SERPINE2: variants seen among roughly 807,000 people sequenced by gnomAD.
The protein encoded by SERPINE2 is serpin family E member 2, also known as glia-derived nexin.
Under a neutral mutation model 36.3 loss-of-function variants are expected in SERPINE2, and 14 were observed. That is an observed-to-expected ratio of 0.39 (90% CI 0.25 to 0.60). The LOEUF (loss-of-function observed/expected upper bound fraction) is 0.60. SERPINE2 is among the 20% of genes least tolerant of loss of function. SERPINE2 has a pLI of 0.57. For missense variants in SERPINE2, 418 were observed against 499.6 expected (o/e 0.84, Z 1.56); for synonymous variants, 192 against 191.8 (o/e 1.00, Z -0.01).
At chr2:223,994,854 GA>G (rs1461791614) in intron 3 of SERPINE2, among the ~76,000 whole-genome samples, 2 of 152,176 alleles carry the variant, frequency 1.3e-5, no homozygotes, top group Non-Finnish European at 2.9e-5. Flanking sequence ...AGAATTATTT[GA>G]ATAGGTATCA....
At chr2:224,002,936 A>G (rs1474528157) in intron 1 of SERPINE2, among the ~76,000 whole-genome samples, 1 of 152,160 alleles carries the variant, frequency 6.6e-6, no homozygotes, top group Non-Finnish European at 1.5e-5. Context: ...TGAGCTTACA[A>G]TCTAGAAGGG....
chr2:223,988,100 T>C (rs544365374), intron 4 of SERPINE2, among the ~76,000 whole-genome samples: 2 of 152,192 alleles, frequency 1.3e-5, no homozygotes, highest in African/African-American at 4.8e-5. Flanking sequence ...GTGGCGTAAG[T>C]AACTGGGTGA....
In SERPINE2 at chr2:224,001,694, C is replaced by T. The variant is rs754271102; in HGVS notation, c.207G>A (p.Ala69=). Residue 69 remains alanine (A), a synonymous_variant, in exon 2 of 9, where the codon GCG becomes GCA. Transcript: ENST00000409304. ...ASVLGMLQLG[A]DGRTKKQLAM... is the part of the protein sequence containing the mutation. ...CGAGCTGCTTCTTGGTCCTGCCGTC[C>T]GCCCCCAGCTGAAGCATCCCCAGGA... 1.4e-5 allele frequency: 23 copies of T among 1,614,026 alleles called. No homozygotes were observed. Among genetic ancestry groups the T allele is most frequent in the Admixed American group, 3.3e-5 (2 of 60,006 alleles).
At chr2:223,994,717 A>G (rs1298734139) in intron 3 of SERPINE2, among the ~76,000 whole-genome samples, 1 of 152,220 alleles carries the variant, frequency 6.6e-6, no homozygotes, top group Non-Finnish European at 1.5e-5. Flanking sequence ...GAGGTCTGAG[A>G]TGGACAGTAC....
chr2:224,004,746 A>G (rs1691327164), intron 1 of SERPINE2, among the ~76,000 whole-genome samples: 2 of 151,920 alleles, frequency 1.3e-5, no homozygotes, highest in South Asian at 2.1e-4. Flanking sequence ...ATTGTGTACA[A>G]TCTTTCTTAC....
intron 1 of SERPINE2, among the ~76,000 whole-genome samples, chr2:224,037,095 G>A (rs1192053669): frequency 6.6e-6 from 1 of 152,204 alleles, no homozygotes; most frequent in Non-Finnish European, 1.5e-5. Context: ...CCACAAGAAT[G>A]ACAGTTTCAA....
intron 1 of SERPINE2, among the ~76,000 whole-genome samples, chr2:224,036,519 G>C (rs925366917): frequency 2.6e-5 from 4 of 151,758 alleles, no homozygotes; most frequent in Admixed American, 2.6e-4. Flanking sequence ...GATAGCATTA[G>C]GAGAAATACC....
chr2:224,014,707 T>C (rs1691740528), intron 1 of SERPINE2, among the ~76,000 whole-genome samples: 1 of 152,216 alleles, frequency 6.6e-6, no homozygotes, highest in South Asian at 2.1e-4. Context: ...GGGTCTCAAG[T>C]GCCCAACAAA....
chr2:224,038,401 A>G (rs1231424265), intron 1 of SERPINE2: 1 of 1,108,790 alleles, frequency 9.0e-7, no homozygotes, highest in Non-Finnish European at 1.3e-6. Flanking sequence ...TGTCTTATGT[A>G]ATAGAAGCCT....
At chr2:224,029,802 G>GATTCTCAT (rs1188104722) in intron 1 of SERPINE2, among the ~76,000 whole-genome samples, 1 of 152,196 alleles carries the variant, frequency 6.6e-6, no homozygotes, top group Non-Finnish European at 1.5e-5. Context: ...GGGTTCAAGT[G>GATTCTCAT]ATTCTCATGC....
intron 1 of SERPINE2, among the ~76,000 whole-genome samples, chr2:224,005,567 T>C (rs1452384815): frequency 6.6e-6 from 1 of 152,166 alleles, no homozygotes. Context: ...TAGGCCTGCA[T>C]AATTCCTAAC....
chr2:224,038,470 G>C (rs1004035206), intron 1 of SERPINE2: 24 of 1,549,744 alleles, frequency 1.5e-5, no homozygotes, highest in Non-Finnish European at 2.0e-5. Flanking sequence ...GAATTTCTGA[G>C]TACCGTACTT....
chr2:224,035,271 G>A (rs184847979), intron 1 of SERPINE2, among the ~76,000 whole-genome samples: 163 of 152,318 alleles, frequency 1.1e-3, no homozygotes, highest in Non-Finnish European at 1.5e-3. Flanking sequence ...TCACAGGTCT[G>A]GGGGAACCAG....
chr2:223,992,733 C>T (rs1690724976), intron 3 of SERPINE2, among the ~76,000 whole-genome samples: 1 of 152,174 alleles, frequency 6.6e-6, no homozygotes, highest in South Asian at 2.1e-4. Flanking sequence ...GTTAATTACT[C>T]TAATTTGATC....
intron 4 of SERPINE2, among the ~76,000 whole-genome samples, chr2:223,985,939 A>G (rs979279529): frequency 1.3e-5 from 2 of 152,244 alleles, no homozygotes; most frequent in African/African-American, 4.8e-5. Context: ...GATGCTCTAT[A>G]GACAAAACAG....
chr2:224,003,641 A>G (rs914540495), intron 1 of SERPINE2, among the ~76,000 whole-genome samples: 3 of 152,200 alleles, frequency 2.0e-5, no homozygotes, highest in African/African-American at 4.8e-5. Flanking sequence ...TCTGGCTATG[A>G]CAAGTAAGAG....
In SERPINE2 at chr2:224,002,883, T is replaced by G. The variant is rs1212589952; in HGVS notation, c.-22-961A>C. ...GGGTGTCGGACCCTTTTCTAAGTGT[T>G]AGGCATATGACATAACTGAATGGAC... On this transcript the variant is annotated intron_variant, in intron 1 of 8. Transcript: ENST00000409304. Among the ~76,000 whole-genome samples the G allele has an allele frequency of 3.9e-5, 6 of 152,206 alleles. No individual in the cohort carries two copies. In the East Asian group the frequency reaches 1.2e-3, roughly 29 times the overall value.
intron 8 of SERPINE2, 29 bp downstream of exon 8, chr2:223,977,515 G>C: frequency 7.2e-7 from 1 of 1,389,574 alleles, no homozygotes; most frequent in Non-Finnish European, 1.0e-6. Flanking sequence ...CTAACAGAGA[G>C]GGCATGATGG....
At chr2:223,989,838 TA>T (rs1337440242) in intron 4 of SERPINE2, among the ~76,000 whole-genome samples, 9 of 152,006 alleles carry the variant, frequency 5.9e-5, no homozygotes, top group African/African-American at 2.2e-4. Flanking sequence ...GGGTGGAGAG[TA>T]AACAGATAAG....
Sources: allele counts gnomAD v4.1 joint callset (sites outside exome capture counted in the v4.1 genomes callset), GRCh38; gene constraint gnomAD v4.1.1; transcripts MANE v1.5; gene names NCBI Gene and HGNC (gene_info 2026-07-23, HGNC 2026-07-21).